The following FRS2 variants were observed in gnomAD, a reference collection of about 807,000 sequenced individuals.
FRS2 encodes the protein fibroblast growth factor receptor substrate 2, also known as FGFR signalling adaptor.
FRS2 carries 8 observed loss-of-function variants against 43.9 expected under a neutral mutation model. That is an observed-to-expected ratio of 0.18 (90% CI 0.11 to 0.33). FRS2 has a LOEUF of 0.33. FRS2 is among the 10% of genes least tolerant of loss of function. The pLI, the probability that FRS2 is intolerant of heterozygous loss-of-function variation, is 1.00. For synonymous variants in FRS2, 219 were observed against 220.3 expected, an observed-to-expected ratio of 0.99 and a Z score of 0.05; for missense variants, 534 against 627.6, an observed-to-expected ratio of 0.85 and a Z score of 1.59.
At chr12:69,569,161 T>A in intron 5 of FRS2, 65 bp downstream of exon 5, 2 of 874,568 alleles carry the variant, frequency 2.3e-6, no homozygotes, top group Non-Finnish European at 3.7e-6. Context: ...TTATTTCACT[T>A]AACATATCTT....
chr12:69,542,690 T>A (rs1280410645), intron 3 of FRS2, among the ~76,000 whole-genome samples: 3 of 152,178 alleles, frequency 2.0e-5, no homozygotes, highest in Admixed American at 6.5e-5. Context: ...AGACCAAAGA[T>A]GTTGGTGTTG....
intron 7 of FRS2, among the ~76,000 whole-genome samples, chr12:69,571,884 C>G (rs1026584501): frequency 6.6e-6 from 1 of 151,808 alleles, no homozygotes; most frequent in Non-Finnish European, 1.5e-5. Context: ...CAAAACAAAA[C>G]AGAACAAAAA....
intron 3 of FRS2, among the ~76,000 whole-genome samples, chr12:69,554,840 G>A (rs1451240150): frequency 6.6e-6 from 1 of 151,146 alleles, no homozygotes; most frequent in Non-Finnish European, 1.5e-5. Flanking sequence ...CAGTAGCTGG[G>A]ATTACAGGCA....
At chr12:69,512,194 T>G (rs1418628208) in intron 1 of FRS2, among the ~76,000 whole-genome samples, 1 of 152,222 alleles carries the variant, frequency 6.6e-6, no homozygotes, top group Non-Finnish European at 1.5e-5. Context: ...TTTTTGATCT[T>G]GCACCTTATT....
chr12:69,502,386 AT>A (rs1028636723), intron 1 of FRS2, among the ~76,000 whole-genome samples: 1 of 151,856 alleles, frequency 6.6e-6, no homozygotes, highest in South Asian at 2.1e-4. Context: ...GTTTACTGTG[AT>A]TTTTTTAATT....
intron 4 of FRS2, among the ~76,000 whole-genome samples, chr12:69,565,162 A>G (rs531193009): frequency 6.6e-6 from 1 of 152,234 alleles, no homozygotes; most frequent in African/African-American, 2.4e-5. Context: ...ACTGAATACT[A>G]TAGGCAGTTG....
chr12:69,577,985 C>T lies in FRS2; in HGVS notation c.*3030C>T, dbSNP rs570447179. On this transcript the variant is annotated 3_prime_UTR_variant, in exon 9 of 9. Transcript: ENST00000549921. The stretch of plus-strand genomic sequence containing the variant: ...GAACAAGTCAAGCTAGTGTTTATCT[C>T]CTCCCCCTCCCCAAAACTGTGGCAC... 1 of 152,684 alleles carries T rather than the reference C, an allele frequency of 6.5e-6. No homozygotes were observed. Among genetic ancestry groups the T allele is most frequent in the Admixed American group, 6.5e-5 (1 of 15,292 alleles). 9.5% of individuals were successfully genotyped at this position (152,684 alleles called of 1,614,324 possible).
chr12:69,507,980 C>T (rs951200701), intron 1 of FRS2, among the ~76,000 whole-genome samples: 28 of 137,072 alleles, frequency 2.0e-4, no homozygotes, highest in African/African-American at 6.8e-4. Context: ...GCCGAGATCG[C>T]GCCATTGCAC....
chr12:69,564,421 T>C (rs989631143), intron 4 of FRS2, among the ~76,000 whole-genome samples: 2 of 152,156 alleles, frequency 1.3e-5, no homozygotes, highest in South Asian at 4.1e-4. Context: ...CACATACTTA[T>C]GTACTTAACT....
chr12:69,538,197 T>TTATATATATA lies in FRS2; in HGVS notation c.-122+6158_-122+6167dup, dbSNP rs151295024. On this transcript the variant is annotated intron_variant, in intron 3 of 8. Transcript: ENST00000549921. ...AATAATAAAATTAAAAAAACAAATT[T>TTATATATATA]TATATATATATATATATATATATAT... Among the ~76,000 whole-genome samples the TTATATATATA allele has an allele frequency of 6.4e-3, 520 of 81,568 alleles. 13 individuals are homozygous for TTATATATATA. Among genetic ancestry groups the TTATATATATA allele is most frequent in the African/African-American group, 0.017 (304 of 18,118 alleles). 53.5% of individuals were successfully genotyped at this position (81,568 alleles called of 152,430 possible).
Position 69,566,167 on chromosome 12 carries a change from C to T in FRS2, c.-26-2838C>T, listed in dbSNP as rs78036547. Among the ~76,000 whole-genome samples the T allele has an allele frequency of 8.0e-4, 122 of 152,194 alleles. 2 individuals are homozygous for T. In the East Asian group the frequency reaches 0.022, roughly 27 times the overall value. ...TTATGTGGCTCATGACTGTATATCC[C>T]TGCCAGCACGAGAGGTTCTACCTTA... is the stretch of plus-strand genomic sequence containing the variant. On this transcript the variant is annotated intron_variant, in intron 4 of 8. Coordinates refer to ENST00000549921, the MANE Select transcript of FRS2 (RefSeq NM_001278356.2).
At chr12:69,561,787 G>C (rs542124205) in intron 3 of FRS2, among the ~76,000 whole-genome samples, 1 of 152,298 alleles carries the variant, frequency 6.6e-6, no homozygotes, top group East Asian at 1.9e-4. Context: ...TGTCACTGGG[G>C]ATGGAGAATT....
At chr12:69,571,553 G>A in intron 7 of FRS2, 119 bp downstream of exon 7, 1 of 853,106 alleles carries the variant, frequency 1.2e-6, no homozygotes, top group Non-Finnish European at 1.8e-6. Context: ...GAAGTATAAT[G>A]GTTGTCAGTT....
rs569962776 is a variant in FRS2 at position 69,506,524 on chromosome 12, T to TA, written c.-260-24340dup. Among the ~76,000 whole-genome samples, 11 of 152,250 alleles carry TA rather than the reference T, an allele frequency of 7.2e-5. No individual in the cohort carries two copies. In the South Asian group the frequency reaches 1.2e-3, roughly 17 times the overall value. On this transcript the variant is annotated intron_variant, in intron 1 of 8. Transcript: ENST00000549921. ...TCTGACTGATAACGTATTATTTAAA[T>TA]ATATAGCAAAATCCAGAGAGAGAGA... is the stretch of plus-strand genomic sequence containing the variant.
intron 1 of FRS2, among the ~76,000 whole-genome samples, chr12:69,529,890 T>C (rs748525940): frequency 6.6e-6 from 1 of 151,916 alleles, no homozygotes; most frequent in Non-Finnish European, 1.5e-5. Context: ...TGAATCCCTG[T>C]CTCTACTAAA....
At position 69,492,582 on chromosome 12, in the gene FRS2, A is replaced by G. The variant is rs1872572694; in HGVS notation, c.-261+22052A>G. 2.0e-5 allele frequency among the ~76,000 whole-genome samples: 3 copies of G among 152,202 alleles called. No homozygotes were observed. In the South Asian group the frequency reaches 6.2e-4, roughly 32 times the overall value. ...TTATTCCTTTTTTTAAAAATCTCAT[A>G]TATTTTTGGGGGGCAAGCGAGTGGT... On this transcript the variant is annotated intron_variant, in intron 1 of 8. Transcript: ENST00000549921.
intron 1 of FRS2, among the ~76,000 whole-genome samples, chr12:69,513,485 A>T (rs1874671747): frequency 6.6e-6 from 1 of 152,198 alleles, no homozygotes; most frequent in African/African-American, 2.4e-5. Flanking sequence ...TTGAGCTGTA[A>T]CATTCTGAAC....
At chr12:69,525,603 G>A (rs1391845405) in intron 1 of FRS2, among the ~76,000 whole-genome samples, 1 of 151,954 alleles carries the variant, frequency 6.6e-6, no homozygotes, top group African/African-American at 2.4e-5. Context: ...AAATAAAGTT[G>A]TATTGTTTAT....
rs965625208 is a variant in FRS2 at position 69,544,719 on chromosome 12, T to TAATA, written c.-122+12678_-122+12681dup. Among the ~76,000 whole-genome samples, 20 of 151,838 alleles carry TAATA rather than the reference T, an allele frequency of 1.3e-4. 1 individual carries two copies. Among genetic ancestry groups the TAATA allele is most frequent in the Middle Eastern group, 3.4e-3 (1 of 294 alleles). On this transcript the variant is annotated intron_variant, in intron 3 of 8. Transcript: ENST00000549921. ...GACTCCATCTCGGAAAAAAAATTAATAATAAATAAATAAATAAAAGGAAAC... is the reference window on the plus strand; with the variant it reads ...GACTCCATCTCGGAAAAAAAATTAATAATAAATAAATAAATAAATAAAAGGAAAC...
Sources: allele counts gnomAD v4.1 joint callset (sites outside exome capture counted in the v4.1 genomes callset), GRCh38; gene constraint gnomAD v4.1.1; transcripts MANE v1.5; gene names NCBI Gene and HGNC (gene_info 2026-07-23, HGNC 2026-07-21).